Variants in GBP6 observed in about 807,000 individuals in gnomAD.
The protein encoded by GBP6 is guanylate binding protein family member 6, also known as guanylate-binding protein 6.
In GBP6, 54 loss-of-function variants were observed where a neutral mutation model predicts 61.5. The observed-to-expected ratio is 0.88, with a 90% CI of 0.71 to 1.10. The LOEUF is 1.10. Ranked by LOEUF, GBP6 falls within the 50% of genes least tolerant of loss-of-function variation. The pLI is 0.00. For synonymous variants in GBP6, 255 were observed against 273.7 expected, an observed-to-expected ratio of 0.93 and a Z score of 0.67; for missense variants, 748 against 752.8, an observed-to-expected ratio of 0.99 and a Z score of 0.07.
At position 89,386,853 on chromosome 1, in the gene GBP6, A is replaced by G. The variant is rs558032382; in HGVS notation, c.*1384A>G. Among the ~76,000 whole-genome samples, 2 of 152,338 alleles carry G rather than the reference A, an allele frequency of 1.3e-5. 1 individual carries two copies. Among genetic ancestry groups the G allele is most frequent in the African/African-American group, 4.8e-5 (2 of 41,590 alleles). ...CCCTGATGGGGGATGATAGACCCAG[A>G]CACATAGAGGCCTGGTGTTGACCCT... On this transcript the variant is annotated 3_prime_UTR_variant, in exon 11 of 11. Coordinates refer to ENST00000370456, the MANE Select transcript of GBP6 (RefSeq NM_198460.3).
chr1:89,383,411 G>A (rs566225371), intron 8 of GBP6, among the ~76,000 whole-genome samples: 3 of 152,124 alleles, frequency 2.0e-5, no homozygotes, highest in Admixed American at 2.0e-4. Flanking sequence ...GTTCTGCCTG[G>A]CCGGAACCCA....
chr1:89,378,070 C>T (rs2100668050), intron 3 of GBP6, 33 bp from the exon 4 acceptor site: 1 of 1,578,366 alleles, frequency 6.3e-7, no homozygotes, highest in Non-Finnish European at 8.6e-7. Context: ...AAAGACTACA[C>T]TCCTAAGTCC....
chr1:89,385,057 TA>T (rs980688600), intron 10 of GBP6, among the ~76,000 whole-genome samples, 172 bp from the exon 11 acceptor site: 1 of 152,198 alleles, frequency 6.6e-6, no homozygotes, highest in African/African-American at 2.4e-5. Flanking sequence ...TGGATATTAG[TA>T]AAGTTATAAA....
chr1:89,373,080 G>A (rs1652691577), intron 3 of GBP6, among the ~76,000 whole-genome samples: 1 of 152,166 alleles, frequency 6.6e-6, no homozygotes, highest in African/African-American at 2.4e-5. Flanking sequence ...ATCATCACTG[G>A]CCATCAGAGA....
At chr1:89,370,997 C>T (rs934471993) in intron 3 of GBP6, among the ~76,000 whole-genome samples, 7 of 152,162 alleles carry the variant, frequency 4.6e-5, no homozygotes, top group African/African-American at 1.2e-4. Flanking sequence ...CTTCATTTCT[C>T]GCATCCCCAG....
intron 6 of GBP6, 146 bp from the exon 7 acceptor site, chr1:89,381,548 G>A (rs1652978873): frequency 1.5e-6 from 1 of 670,230 alleles, no homozygotes; most frequent in East Asian, 2.7e-5. Context: ...AGTGATAATA[G>A]CAGAAGGAGG....
chr1:89,378,654 G>A, intron 5 of GBP6, 41 bp downstream of exon 5: 1 of 1,473,440 alleles, frequency 6.8e-7, no homozygotes, highest in Non-Finnish European at 9.4e-7. Flanking sequence ...TCCACTGGGT[G>A]TGTGATCTGC....
intron 10 of GBP6, among the ~76,000 whole-genome samples, chr1:89,384,948 A>G (rs577335304): frequency 4.6e-5 from 7 of 152,348 alleles, no homozygotes; most frequent in African/African-American, 1.7e-4. Flanking sequence ...TTATGCAATC[A>G]GACCAATGGC....
chr1:89,369,206 T>C (rs1254745172), intron 2 of GBP6, among the ~76,000 whole-genome samples: 2 of 152,204 alleles, frequency 1.3e-5, no homozygotes, highest in Non-Finnish European at 2.9e-5. Context: ...ATTTCCCTTT[T>C]TGAGTTTTTT....
intron 9 of GBP6, 40 bp from the exon 10 acceptor site, chr1:89,384,053 C>G (rs377163088): frequency 5.2e-6 from 8 of 1,528,702 alleles, no homozygotes; most frequent in Non-Finnish European, 7.0e-6. Flanking sequence ...TGAATCTTCA[C>G]CTATTATTTT....
chr1:89,380,285 T>C, intron 5 of GBP6, 101 bp from the exon 6 acceptor site: 1 of 984,782 alleles, frequency 1.0e-6, no homozygotes, highest in Non-Finnish European at 1.6e-6. Flanking sequence ...TCTGTAAGCA[T>C]AGAAGATGGC....
intron 3 of GBP6, among the ~76,000 whole-genome samples, chr1:89,376,547 G>A (rs1200109441): frequency 2.6e-5 from 4 of 152,080 alleles, no homozygotes; most frequent in African/African-American, 7.2e-5. Context: ...TTTCTGCATT[G>A]TCTAGTCTGT....
Position 89,387,157 on chromosome 1 carries a change from A to G in GBP6, c.*1688A>G, listed in dbSNP as rs1653166519. Among the ~76,000 whole-genome samples, 1 of 152,132 alleles carries G rather than the reference A, an allele frequency of 6.6e-6. No individual in the cohort carries two copies. Among genetic ancestry groups the G allele is most frequent in the Non-Finnish European group, 1.5e-5 (1 of 68,026 alleles). ...CAGGAAAGGACACTGCAACTCCAGG[A>G]CCCAAATAAATGATAATGATTTCCC... On this transcript the variant is annotated 3_prime_UTR_variant, in exon 11 of 11. Transcript: ENST00000370456.
At position 89,385,906 on chromosome 1, in the gene GBP6, G is replaced by A. The variant is rs960626728; in HGVS notation, c.*437G>A. On this transcript the variant is annotated 3_prime_UTR_variant, in exon 11 of 11. Transcript: ENST00000370456. Reference sequence around the variant, plus strand: ...AGTGCCTGGCCCACATGAGAGAACAGATCCATACACACTTTGAAAAACTTT... The same window carrying A: ...AGTGCCTGGCCCACATGAGAGAACAAATCCATACACACTTTGAAAAACTTT... 7 of 154,428 alleles carry A rather than the reference G, an allele frequency of 4.5e-5. No individual in the cohort carries two copies. Among genetic ancestry groups the A allele is most frequent in the African/African-American group, 1.4e-4 (6 of 41,456 alleles). 9.6% of individuals were successfully genotyped at this position (154,428 alleles called of 1,614,324 possible). A position where few individuals can be genotyped will look rare whatever the true frequency, so the allele number is the denominator to read the frequency against.
intron 7 of GBP6, 80 bp downstream of exon 7, chr1:89,382,054 G>C: frequency 1.5e-6 from 2 of 1,348,796 alleles, no homozygotes; most frequent in Non-Finnish European, 2.0e-6. Context: ...TGTCACCAAT[G>C]CTCATCTGTC....
At chr1:89,383,790 C>T (rs779274922) in intron 9 of GBP6, 36 bp downstream of exon 9, 7 of 1,451,802 alleles carry the variant, frequency 4.8e-6, no homozygotes, top group East Asian at 2.3e-5. Flanking sequence ...AGGAGGGGTA[C>T]GTTTATACAA....
At position 89,387,040 on chromosome 1, in the gene GBP6, T is replaced by C. The variant is rs1243709586; in HGVS notation, c.*1571T>C. ...GAAGTAAATGCTGTCTATCAGGATG[T>C]TGAGAGGTAGCCCTGATAAAGTGTC... On this transcript the variant is annotated 3_prime_UTR_variant, in exon 11 of 11. Transcript: ENST00000370456. Among the ~76,000 whole-genome samples, 1 of 152,154 alleles carries C rather than the reference T, an allele frequency of 6.6e-6. No homozygotes were observed. Among genetic ancestry groups the C allele is most frequent in the African/African-American group, 2.4e-5 (1 of 41,430 alleles).
At chr1:89,371,286 T>C (rs187426530) in intron 3 of GBP6, among the ~76,000 whole-genome samples, 4 of 152,120 alleles carry the variant, frequency 2.6e-5, no homozygotes. Flanking sequence ...TAGAAAAAGA[T>C]GGAATCCTCC....
In GBP6 at chr1:89,380,757, T is replaced by G. The variant is rs1365262102; in HGVS notation, c.871+126T>G. The G allele has an allele frequency of 1.8e-5, 14 of 774,406 alleles. No individual in the cohort carries two copies. In the South Asian group the frequency reaches 2.5e-4, roughly 14 times the overall value. The allele number at this position is 774,406 out of a possible 1,614,324, so 48.0% of individuals were successfully genotyped here. A position where few individuals can be genotyped will look rare whatever the true frequency, so the allele number is the denominator to read the frequency against. ...CGTGTATACAGGTATTCACACTCAG[T>G]GAAGAAATGTGTATAATTATCACAC... On this transcript the variant is annotated intron_variant, in intron 6 of 10. Coordinates refer to ENST00000370456, the MANE Select transcript of GBP6 (RefSeq NM_198460.3).
Sources: gnomAD v4.1 joint callset for allele counts (sites outside exome capture counted in the v4.1 genomes callset) on GRCh38, gnomAD v4.1.1 for gene constraint, MANE v1.5 for transcripts, NCBI Gene and HGNC (gene_info 2026-07-23, HGNC 2026-07-21) for gene names.